Variants in CDK14 observed in about 807,000 individuals in gnomAD.
CDK14 encodes the protein cyclin-dependent kinase 14.
Under a neutral mutation model 60.7 loss-of-function variants are expected in CDK14, and 34 were observed. The observed-to-expected ratio is 0.56, with a 90% CI of 0.43 to 0.75. CDK14 has a LOEUF of 0.75. Ranked by LOEUF, CDK14 falls within the 30% of genes least tolerant of loss-of-function variation. CDK14 has a pLI of 0.00. For synonymous variants in CDK14, 197 were observed against 203.7 expected, an observed-to-expected ratio of 0.97 and a Z score of 0.28; for missense variants, 482 against 564.1, an observed-to-expected ratio of 0.85 and a Z score of 1.47.
chr7:90,948,270 A>G (rs1245438140), intron 8 of CDK14, among the ~76,000 whole-genome samples: 2 of 152,244 alleles, frequency 1.3e-5, no homozygotes, highest in Non-Finnish European at 2.9e-5. Flanking sequence ...ACTGAGAAGC[A>G]GAAACTAGAA....
At chr7:90,863,332 G>T (rs1033053901) in intron 6 of CDK14, 63 bp downstream of exon 6, 8 of 969,028 alleles carry the variant, frequency 8.3e-6, no homozygotes, top group Admixed American at 2.2e-5. Context: ...TTATAGTGTT[G>T]TCATAGAATT....
chr7:91,121,550 C>T (rs370574133), intron 14 of CDK14, among the ~76,000 whole-genome samples: 1 of 152,150 alleles, frequency 6.6e-6, no homozygotes, highest in Non-Finnish European at 1.5e-5. Flanking sequence ...GTTAATAATG[C>T]CAGATTTGCA....
intron 12 of CDK14, among the ~76,000 whole-genome samples, chr7:91,082,274 TGAATGA>T (rs1798503548): frequency 6.6e-6 from 1 of 152,228 alleles, no homozygotes; most frequent in African/African-American, 2.4e-5. Context: ...TTTAAACAGC[TGAATGA>T]TTTCGGAGGT....
chr7:90,717,243 CTGT>C (rs1802281715), intron 2 of CDK14, among the ~76,000 whole-genome samples: 1 of 152,046 alleles, frequency 6.6e-6, no homozygotes, highest in Non-Finnish European at 1.5e-5. Context: ...ATAAACAAAA[CTGT>C]ATCTCATCTG....
intron 14 of CDK14, among the ~76,000 whole-genome samples, chr7:91,122,986 C>A (rs1246539384): frequency 2.0e-5 from 3 of 152,146 alleles, no homozygotes; most frequent in African/African-American, 7.2e-5. Flanking sequence ...CTTAGCCCTT[C>A]AGAAACTTGG....
At position 90,604,296 on chromosome 7, in the gene CDK14, C is replaced by T. The variant is rs937112514; in HGVS notation, c.123+47C>T. ...AATGTTAGATGTATTTAATGACTAC[C>T]AGGTAAAGTCAGTAGCTGCCAACTT... On this transcript the variant is annotated intron_variant, in intron 2 of 14. Coordinates refer to ENST00000380050, the MANE Select transcript of CDK14 (RefSeq NM_001287135.2). 6.6e-6 allele frequency: 8 copies of T among 1,217,560 alleles called. No individual in the cohort carries two copies. The African/African-American group carries it at 1.3e-4, about 19-fold the overall frequency. 75.4% of individuals were successfully genotyped at this position (1,217,560 alleles called of 1,614,324 possible).
At chr7:90,835,385 A>G (rs1322991772) in intron 5 of CDK14, among the ~76,000 whole-genome samples, 3 of 152,138 alleles carry the variant, frequency 2.0e-5, no homozygotes, top group Non-Finnish European at 4.4e-5. Context: ...GTCCTAGCAG[A>G]AAGAGAGGAA....
intron 8 of CDK14, among the ~76,000 whole-genome samples, chr7:90,934,044 C>G (rs1210532699): frequency 6.6e-6 from 1 of 152,280 alleles, no homozygotes; most frequent in African/African-American, 2.4e-5. Flanking sequence ...GCTAGGCAGA[C>G]TTGTTTCCAT....
intron 10 of CDK14, among the ~76,000 whole-genome samples, chr7:91,031,879 ACAGCAG>A (rs996328611): frequency 1.8e-4 from 27 of 152,240 alleles, no homozygotes; most frequent in African/African-American, 6.3e-4. Context: ...CAGCAGAAGC[ACAGCAG>A]CACCTGCTGG....
At chr7:90,626,270 C>G (rs1337362534) in intron 2 of CDK14, among the ~76,000 whole-genome samples, 3 of 152,094 alleles carry the variant, frequency 2.0e-5, no homozygotes, top group Non-Finnish European at 2.9e-5. Flanking sequence ...TGTGATTGCA[C>G]CTCAGTTTTT....
rs140223895 is a variant in CDK14, at chr7:91,145,416, A to G, written c.*28+27208A>G. ...ATGCCACACTGCACATAAGAAAGCC[A>G]GTCTTTAAAAGTCGCAAAAAAATTT... is the stretch of plus-strand genomic sequence containing the variant. On this transcript the variant is annotated intron_variant, in intron 14 of 14. Coordinates refer to ENST00000380050, the MANE Select transcript of CDK14 (RefSeq NM_001287135.2). 7.6e-3 allele frequency among the ~76,000 whole-genome samples: 1,164 copies of G among 152,358 alleles called. 14 individuals are homozygous for G. The highest frequency in any genetic ancestry group is 0.026 in the African/African-American group (1,097 of 41,582).
At chr7:90,963,240 A>G (rs1794657055) in intron 9 of CDK14, among the ~76,000 whole-genome samples, 1 of 151,772 alleles carries the variant, frequency 6.6e-6, no homozygotes, top group African/African-American at 2.4e-5. Flanking sequence ...CCTGGGCAAC[A>G]TGCTGAGATC....
chr7:90,765,235 T>G (rs762183653), intron 4 of CDK14, among the ~76,000 whole-genome samples: 2 of 152,216 alleles, frequency 1.3e-5, no homozygotes, highest in Non-Finnish European at 2.9e-5. Context: ...AAACAGTGAC[T>G]TTTTTATTAA....
At chr7:90,678,088 G>A (rs1203116915) in intron 2 of CDK14, among the ~76,000 whole-genome samples, 1 of 152,218 alleles carries the variant, frequency 6.6e-6, no homozygotes. Flanking sequence ...TTAGCTGATT[G>A]TAAGAATCAA....
At chr7:90,935,459 C>T (rs1210563475) in intron 8 of CDK14, among the ~76,000 whole-genome samples, 2 of 152,052 alleles carry the variant, frequency 1.3e-5, no homozygotes, top group Non-Finnish European at 2.9e-5. Context: ...TTACATTATA[C>T]AAAAGGGGAA....
chr7:90,711,661 A>G (rs1802063516), intron 2 of CDK14, among the ~76,000 whole-genome samples: 1 of 152,124 alleles, frequency 6.6e-6, no homozygotes, highest in South Asian at 2.1e-4. Context: ...GGAAGTATGG[A>G]TGAAACAGTA....
intron 4 of CDK14, among the ~76,000 whole-genome samples, chr7:90,758,491 C>A (rs1562756002): frequency 6.6e-6 from 1 of 152,132 alleles, no homozygotes; most frequent in Non-Finnish European, 1.5e-5. Flanking sequence ...TAATTCAGCA[C>A]CTTGAAATCA....
chr7:91,057,759 G>A (rs972654754), intron 11 of CDK14, among the ~76,000 whole-genome samples: 2 of 152,006 alleles, frequency 1.3e-5, no homozygotes, highest in African/African-American at 2.4e-5. Context: ...TGTTCCATTG[G>A]TCTATATCTC....
At chr7:90,927,635 G>A (rs894546161) in intron 8 of CDK14, among the ~76,000 whole-genome samples, 9 of 152,116 alleles carry the variant, frequency 5.9e-5, no homozygotes, top group African/African-American at 1.7e-4. Context: ...GTAGGGTGCC[G>A]ATTCTGCAGC....
Sources: gnomAD v4.1 joint callset for allele counts (sites outside exome capture counted in the v4.1 genomes callset) on GRCh38, gnomAD v4.1.1 for gene constraint, MANE v1.5 for transcripts, NCBI Gene and HGNC (gene_info 2026-07-23, HGNC 2026-07-21) for gene names.